Variants in MIOS observed in about 807,000 individuals in gnomAD.
The protein encoded by MIOS is GATOR2 complex protein MIOS.
MIOS carries 52 observed loss-of-function variants against 96.9 expected under a neutral mutation model. The ratio of observed to expected loss-of-function variants is 0.54; its 90% confidence interval spans 0.43 to 0.68. MIOS has a LOEUF of 0.68. Ranked by LOEUF, MIOS falls within the 30% of genes least tolerant of loss-of-function variation. The pLI is 0.00. For synonymous variants in MIOS, 397 were observed against 359.5 expected (o/e 1.10, Z -1.18); for missense variants, 1,005 against 1,052.8 (o/e 0.95, Z 0.63).
chr7:7,569,502 G>T (rs1367480768), intron 3 of MIOS, among the ~76,000 whole-genome samples: 5 of 152,220 alleles, frequency 3.3e-5, no homozygotes, highest in Admixed American at 2.6e-4. Flanking sequence ...GAGGAAATAG[G>T]TAAAACTTGG....
At chr7:7,569,991 C>G (rs533497871) in intron 3 of MIOS, among the ~76,000 whole-genome samples, 48 of 152,156 alleles carry the variant, frequency 3.2e-4, no homozygotes, top group African/African-American at 1.1e-3. Flanking sequence ...GTAGGTTATA[C>G]TAAGAGCAGC....
chr7:7,598,902 T>A (rs140598186), intron 11 of MIOS, among the ~76,000 whole-genome samples: 1 of 152,124 alleles, frequency 6.6e-6, no homozygotes, highest in Non-Finnish European at 1.5e-5. Flanking sequence ...ATATTTGTTA[T>A]AGAATTTTTT....
At chr7:7,584,663 G>A (rs1207858119) in intron 6 of MIOS, among the ~76,000 whole-genome samples, 1 of 151,896 alleles carries the variant, frequency 6.6e-6, no homozygotes, top group African/African-American at 2.4e-5. Flanking sequence ...AACATAAAGT[G>A]GGAAACACTG....
intron 7 of MIOS, among the ~76,000 whole-genome samples, chr7:7,586,215 C>A (rs180969476): frequency 4.0e-5 from 6 of 151,238 alleles, no homozygotes; most frequent in African/African-American, 1.5e-4. Flanking sequence ...AAACAACTCA[C>A]GATTATTGAT....
chr7:7,573,646 G>C lies in MIOS; in HGVS notation c.1171G>C (p.Ala391Pro). 2 of 1,613,986 alleles carry C rather than the reference G, an allele frequency of 1.2e-6. No individual in the cohort carries two copies. Among genetic ancestry groups the C allele is most frequent in the Non-Finnish European group, 1.7e-6 (2 of 1,179,932 alleles). ...ENDNSLEKDI[A>P]TKMRLRALSR... The stretch of plus-strand genomic sequence containing the variant: ...TGATAATTCTTTAGAAAAAGATATA[G>C]CAACGAAGATGCGTCTTCGGGCTTT... Residue 391 changes from alanine to proline, a missense_variant, in exon 4 of 13, where the codon GCA (alanine) becomes CCA (proline). This residue lies in a region of MIOS where 865 missense variants were observed against 887.9 expected (regional missense o/e 0.97). Coordinates refer to ENST00000340080, the MANE Select transcript of MIOS (RefSeq NM_019005.4). The surrounding 1 kb of genome is among the most constrained non-coding windows in gnomAD (Gnocchi z 5.0).
At chr7:7,574,969 T>C (rs1266365059) in intron 5 of MIOS, among the ~76,000 whole-genome samples, 1 of 152,128 alleles carries the variant, frequency 6.6e-6, no homozygotes, top group African/African-American at 2.4e-5. Flanking sequence ...CCATCCCTAT[T>C]CTGAAATCCA....
intron 7 of MIOS, among the ~76,000 whole-genome samples, chr7:7,586,596 A>G (rs1563029082): frequency 1.3e-5 from 2 of 152,192 alleles, no homozygotes; most frequent in African/African-American, 2.4e-5. Context: ...CATTTCTTGA[A>G]TAAGTGATTT....
intron 11 of MIOS, among the ~76,000 whole-genome samples, chr7:7,602,821 A>G (rs1320782918): frequency 6.6e-6 from 1 of 152,134 alleles, no homozygotes; most frequent in Non-Finnish European, 1.5e-5. Context: ...TTCAAACTAT[A>G]CTACAAGGCT....
chr7:7,586,044 A>G (rs1783876373), intron 7 of MIOS, among the ~76,000 whole-genome samples: 1 of 152,098 alleles, frequency 6.6e-6, no homozygotes, highest in African/African-American at 2.4e-5. Context: ...TATAATTTAC[A>G]GATATAGAAG....
At chr7:7,605,771 G>T in intron 11 of MIOS, 171 bp from the exon 12 acceptor site, 1 of 528,784 alleles carries the variant, frequency 1.9e-6, no homozygotes, top group Non-Finnish European at 3.1e-6. Context: ...ATGTAGGGGA[G>T]CTTCTGTCAT....
intron 11 of MIOS, among the ~76,000 whole-genome samples, chr7:7,597,501 T>TAAAAAATATAA (rs1784245926): frequency 1.4e-5 from 1 of 69,812 alleles, no homozygotes; most frequent in Non-Finnish European, 2.9e-5. Context: ...TATATATATA[T>TAAAAAATATAA]ATATATATAT....
chr7:7,597,498 A>AT, intron 11 of MIOS, among the ~76,000 whole-genome samples: 1 of 69,292 alleles, frequency 1.4e-5, no homozygotes, highest in African/African-American at 5.6e-5. Flanking sequence ...ATATATATAT[A>AT]TATATATATA....
intron 5 of MIOS, among the ~76,000 whole-genome samples, chr7:7,580,814 G>A (rs949443145): frequency 1.3e-5 from 2 of 149,544 alleles, no homozygotes; most frequent in African/African-American, 4.9e-5. Flanking sequence ...AGCCTCCCGA[G>A]AAGCTGGGAC....
chr7:7,582,448 C>T (rs1388642821), intron 5 of MIOS, among the ~76,000 whole-genome samples: 4 of 151,984 alleles, frequency 2.6e-5, no homozygotes, highest in Admixed American at 2.0e-4. Context: ...GCCTTGATTG[C>T]AGTATAAATA....
intron 7 of MIOS, 100 bp downstream of exon 7, chr7:7,585,905 A>G: frequency 9.4e-7 from 1 of 1,064,830 alleles, no homozygotes; most frequent in Non-Finnish European, 1.3e-6. Context: ...AAAATATTAT[A>G]TTTTTATGCA....
At chr7:7,601,257 C>CA (rs1400581939) in intron 11 of MIOS, among the ~76,000 whole-genome samples, 1 of 148,996 alleles carries the variant, frequency 6.7e-6, no homozygotes, top group African/African-American at 2.5e-5. Context: ...AAAGACCCTT[C>CA]AAAAAATCAA....
chr7:7,576,509 C>G (rs1336144312), intron 5 of MIOS, among the ~76,000 whole-genome samples: 2 of 152,218 alleles, frequency 1.3e-5, no homozygotes, highest in East Asian at 3.9e-4. Context: ...AGACAGGGAG[C>G]AGCATGTGCA....
rs777278525 is a variant in MIOS, at chr7:7,583,269, T to G, written c.1545T>G (p.Leu515=). 1 of 1,614,102 alleles carries G rather than the reference T, an allele frequency of 6.2e-7. No individual in the cohort carries two copies. The highest frequency in any genetic ancestry group is 1.6e-4 in the Middle Eastern group (1 of 6,062). Residue 515 remains leucine, a synonymous_variant, in exon 6 of 13, where the codon CTT becomes CTG. Transcript: ENST00000340080. ...DVDVGPFLNS[L]VQEGEWERAA... ...ACGTGGGGCCATTTTTGAACTCCCT[T>G]GTACAAGAAGGGGAATGGGAAAGAG... is the stretch of plus-strand genomic sequence containing the variant.
At chr7:7,605,783 C>T (rs1302791208) in intron 11 of MIOS, 159 bp from the exon 12 acceptor site, 7 of 578,356 alleles carry the variant, frequency 1.2e-5, no homozygotes, top group Non-Finnish European at 1.9e-5. Flanking sequence ...TTCTGTCATT[C>T]AGTTTCGCTT....
Sources: allele counts gnomAD v4.1 joint callset (sites outside exome capture counted in the v4.1 genomes callset), GRCh38; gene constraint gnomAD v4.1.1; regional missense constraint gnomAD v4.1.1; non-coding constraint Gnocchi (gnomAD v3.1); transcripts MANE v1.5; gene names NCBI Gene and HGNC (gene_info 2026-07-23, HGNC 2026-07-21).